The following CACNA1F variants were observed in gnomAD, a reference collection of about 807,000 sequenced individuals.
CACNA1F encodes calcium voltage-gated channel subunit alpha1 F, also known as voltage-dependent L-type calcium channel subunit alpha-1F.
In CACNA1F, 59 loss-of-function variants were observed where a neutral mutation model predicts 143.8. That is an observed-to-expected ratio of 0.41 (90% confidence interval 0.33 to 0.51). CACNA1F has a LOEUF of 0.51. CACNA1F is among the 20% of genes least tolerant of loss of function. CACNA1F has a pLI of 0.22. For synonymous variants in CACNA1F, 643 were observed against 649.1 expected (o/e 0.99, Z 0.14); for missense variants, 1,411 against 1,647.5 (o/e 0.86, Z 2.48).
Position 49,226,022 on chromosome X carries a change from C to A in CACNA1F, c.1538G>T (p.Arg513Leu), listed in dbSNP as rs782288797. Residue 513 changes from arginine (R) to leucine (L), a missense_variant, in exon 13 of 48, where the codon CGG becomes CTG. By Grantham distance (102) the Arg-to-Leu change is moderately radical. Transcript: ENST00000323022. ...ANRVLRARCR[R>L]AVKSNACYWA... ...GTAGCAGGCATTGGACTTCACTGCC[C>A]GACGGCAGCGTGCCCGAAGGACCCG... The A allele has an allele frequency of 8.4e-7, 1 of 1,186,556 alleles. No individual in the cohort carries two copies. The highest frequency in any genetic ancestry group is 3.1e-5 in the East Asian group (1 of 32,332).
intron 30 of CACNA1F, 110 bp downstream of exon 30, chrX:49,214,049 G>A: frequency 1.5e-6 from 1 of 648,036 alleles, no homozygotes; most frequent in Non-Finnish European, 2.6e-6. Context: ...TCACTCCCTA[G>A]ACTCACACTC....
chrX:49,218,341 C>A (rs782334987), intron 24 of CACNA1F, 114 bp downstream of exon 24: 35 of 569,430 alleles, frequency 6.1e-5, no homozygotes, highest in Non-Finnish European at 9.4e-5. Flanking sequence ...ATTTATGTGT[C>A]AGGTCCAGGC....
intron 26 of CACNA1F, among the ~76,000 whole-genome samples, chrX:49,217,219 A>G (rs979180584): frequency 8.9e-6 from 1 of 112,771 alleles, no homozygotes; most frequent in East Asian, 2.8e-4. Flanking sequence ...TTGGCCTCCC[A>G]AAGTGCTGGG....
chrX:49,218,521 C>T lies in CACNA1F; in HGVS notation c.2862G>A (p.Val954=). Residue 954 remains valine, a synonymous_variant, in exon 24 of 48, where the codon GTG becomes GTA. Coordinates refer to ENST00000323022, the MANE Select transcript of CACNA1F (RefSeq NM_001256789.3). ...GTACTCGGAGTACTCGCAGAATCTT[C>T]ACCACCGAGATGGCGCTGGAGCTGG... The part of the protein sequence containing the change: ...FGIHSSAISV[V]KILRVLRVLR... The T allele has an allele frequency of 8.5e-7, 1 of 1,180,665 alleles. No homozygotes were observed. The highest frequency in any genetic ancestry group is 1.9e-5 in the South Asian group (1 of 53,621).
rs1602618546 is a variant in CACNA1F, at chrX:49,205,243, A to G, written c.5795T>C (p.Leu1932Pro). 1 of 1,206,129 alleles carries G rather than the reference A, an allele frequency of 8.3e-7. No individual in the cohort carries two copies. Among genetic ancestry groups the G allele is most frequent in the East Asian group, 3.0e-5 (1 of 33,792 alleles). The change falls in exon 48 of 48, where the codon CTG becomes CCG. Residue 1932 changes from leucine (L) to proline (P), a missense_variant. Coordinates refer to ENST00000323022, the MANE Select transcript of CACNA1F (RefSeq NM_001256789.3). ...GAGAGAGCTGGTTCCCTGTGCCAGC[A>G]GGTCACTGGCAGCATTGTCCATCTC... Reference protein sequence around the residue: ...LDEMDNAASDLLAQGTSSLYS... With the variant: ...LDEMDNAASDPLAQGTSSLYS...
chrX:49,225,804 A>C, intron 13 of CACNA1F, 105 bp downstream of exon 13: 1 of 581,914 alleles, frequency 1.7e-6, no homozygotes, highest in Non-Finnish European at 2.8e-6. Flanking sequence ...GTAGGGGGGA[A>C]GGCAGTGTCT....
chrX:49,213,072 T>C, intron 31 of CACNA1F, 78 bp from the exon 32 acceptor site: 1 of 870,587 alleles, frequency 1.1e-6, no homozygotes, highest in Non-Finnish European at 1.7e-6. Flanking sequence ...AGGTGAGATA[T>C]GATGGAGCAG....
In CACNA1F at chrX:49,231,987, T is replaced by C; in HGVS notation, c.26-60A>G. The C allele has an allele frequency of 5.6e-6, 6 of 1,067,333 alleles. No individual in the cohort carries two copies. In the South Asian group the frequency reaches 1.1e-4, roughly 19 times the overall value. 88.0% of individuals were successfully genotyped at this position (1,067,333 alleles called of 1,213,427 possible). A position where few individuals can be genotyped will look rare whatever the true frequency, so the allele number is the denominator to read the frequency against. On this transcript the variant is annotated intron_variant, in intron 1 of 47. Transcript: ENST00000323022. ...TATTGGGGCAATTGTGGCTGCTTCC[T>C]ACCTGATCCTGTCCCTCTGTTTGAA...
chrX:49,228,552 T>C, intron 6 of CACNA1F, 105 bp from the exon 7 acceptor site: 1 of 590,397 alleles, frequency 1.7e-6, no homozygotes, highest in Non-Finnish European at 2.8e-6. Context: ...CCTAGATTTT[T>C]CTCTTTCTCT....
Position 49,231,623 on chromosome X carries a change from T to G in CACNA1F, c.275+55A>C, listed in dbSNP as rs181040541. ...TTCCAGCCCTGACCCAATTCTTTAC[T>G]CCTGGTACCCTGATGACCCTTACCC... is the stretch of plus-strand genomic sequence containing the variant. On this transcript the variant is annotated intron_variant, in intron 2 of 47. Coordinates refer to ENST00000323022, the MANE Select transcript of CACNA1F (RefSeq NM_001256789.3). 4.2e-4 allele frequency: 500 copies of G among 1,194,416 alleles called. No homozygotes were observed. The African/African-American group carries it at 8.0e-3, about 19-fold the overall frequency.
chrX:49,209,876 G>T, intron 40 of CACNA1F, 65 bp downstream of exon 40: 1 of 1,136,990 alleles, frequency 8.8e-7, no homozygotes, highest in Non-Finnish European at 1.2e-6. Flanking sequence ...CGCTGGTTTT[G>T]TGGTGGAGAG....
At chrX:49,219,071 A>T in intron 21 of CACNA1F, 130 bp from the exon 22 acceptor site, 1 of 637,130 alleles carries the variant, frequency 1.6e-6, no homozygotes, top group Non-Finnish European at 2.6e-6. Flanking sequence ...ACCCAGCTAC[A>T]TGGGCGCCTT....
At chrX:49,213,310 T>G (rs1487208626) in intron 31 of CACNA1F, among the ~76,000 whole-genome samples, 1 of 110,865 alleles carries the variant, frequency 9.0e-6, no homozygotes, top group African/African-American at 3.3e-5. Context: ...GAGAAGCCAG[T>G]GATGGAGATA....
intron 31 of CACNA1F, among the ~76,000 whole-genome samples, chrX:49,213,276 A>G (rs1366813054): frequency 9.0e-6 from 1 of 111,603 alleles, no homozygotes; most frequent in African/African-American, 3.3e-5. Context: ...GATGGAGATG[A>G]GAGAACCGAT....
chrX:49,208,411 G>GGCCTCC, intron 43 of CACNA1F, 104 bp downstream of exon 43: 1 of 414,483 alleles, frequency 2.4e-6, no homozygotes, highest in Non-Finnish European at 4.3e-6. Flanking sequence ...AGGCCTCTAG[G>GGCCTCC]CCCTCCCTCC....
intron 42 of CACNA1F, 64 bp downstream of exon 42, chrX:49,209,198 C>T: frequency 8.4e-7 from 1 of 1,184,378 alleles, no homozygotes; most frequent in Admixed American, 2.2e-5. Flanking sequence ...GTGTCAAAAT[C>T]ACTCAGGGGA....
intron 46 of CACNA1F, among the ~76,000 whole-genome samples, chrX:49,206,310 T>A (rs2065594609): frequency 9.8e-6 from 1 of 102,027 alleles, no homozygotes; most frequent in Non-Finnish European, 2.0e-5. Flanking sequence ...GGAGAATTGC[T>A]TGGACCCGGG....
At chrX:49,216,829 A>G (rs782457489) in intron 26 of CACNA1F, among the ~76,000 whole-genome samples, 1 of 112,361 alleles carries the variant, frequency 8.9e-6, no homozygotes, top group African/African-American at 3.2e-5. Flanking sequence ...GCATCATTTC[A>G]TCATCACCAT....
chrX:49,228,189 G>C (rs781883806), intron 7 of CACNA1F, 50 bp from the exon 8 acceptor site: 2 of 1,163,810 alleles, frequency 1.7e-6, no homozygotes, highest in East Asian at 3.0e-5. Context: ...ACACTCCTGC[G>C]TGAGTGTCAG....
Sources: allele counts gnomAD v4.1 joint callset (sites outside exome capture counted in the v4.1 genomes callset), GRCh38; gene constraint gnomAD v4.1.1; transcripts MANE v1.5; gene names NCBI Gene and HGNC (gene_info 2026-07-23, HGNC 2026-07-21).